Variants in CYP4A11 observed in about 807,000 individuals in gnomAD.
The protein encoded by CYP4A11 is cytochrome P450 family 4 subfamily A member 11.
A neutral mutation model predicts 57.7 loss-of-function variants in CYP4A11; 52 were observed. The ratio of observed to expected loss-of-function variants is 0.90; its 90% CI spans 0.72 to 1.14. The LOEUF (loss-of-function observed/expected upper bound fraction) is 1.14, where lower values mean the gene tolerates loss of function less well. Ranked by LOEUF, CYP4A11 falls within the 50% of genes most tolerant of loss-of-function variation. The pLI is 0.00. For synonymous variants in CYP4A11, 228 were observed against 247.1 expected, an observed-to-expected ratio of 0.92 and a Z score of 0.72; for missense variants, 641 against 642.1, an observed-to-expected ratio of 1.00 and a Z score of 0.02.
Position 46,935,082 on chromosome 1 carries a change from A to C in CYP4A11, c.708T>G (p.Phe236Leu). The change falls in exon 6 of 12, where the codon TTT becomes TTG. Residue 236 changes from phenylalanine to leucine, a missense_variant. Physicochemically the swap from Phe to Leu is conservative, Grantham distance 22 (BLOSUM62 0). Coordinates refer to ENST00000310638, the MANE Select transcript of CYP4A11 (RefSeq NM_000778.4). ...NLVFSRVRNA[F>L]HQNDTIYSLT... ...GGCTGTAGATGGTGTCATTCTGGTG[A>C]AAGGCATTCCTCACACGGGAAAAAA... The C allele has an allele frequency of 6.2e-7, 1 of 1,614,178 alleles. No individual in the cohort carries two copies. Among genetic ancestry groups the C allele is most frequent in the Non-Finnish European group, 8.5e-7 (1 of 1,180,036 alleles).
At chr1:46,931,970 G>A (rs1048638264) in intron 11 of CYP4A11, 32 of 984,920 alleles carry the variant, frequency 3.2e-5, no homozygotes, top group Admixed American at 6.2e-5. Flanking sequence ...AATGTTGTGC[G>A]TTATATGATA....
At position 46,932,812 on chromosome 1, in the gene CYP4A11, G is replaced by A. The variant is rs373468480; in HGVS notation, c.1313C>T (p.Pro438Leu). 49 of 1,614,142 alleles carry A rather than the reference G, an allele frequency of 3.0e-5. No individual in the cohort carries two copies. The African/African-American group carries it at 3.3e-4, about 11-fold the overall frequency. ...AGCGTGGCTGTGTTGAGCAGAACCCGGTGCAAAACGGAAAGGGTCAAACAC... is the reference window on the plus strand; with the variant it reads ...AGCGTGGCTGTGTTGAGCAGAACCCAGTGCAAAACGGAAAGGGTCAAACAC... Reference protein sequence around the residue: ...PEVFDPFRFAPGSAQHSHAFL... With the variant: ...PEVFDPFRFALGSAQHSHAFL... Residue 438 changes from proline to leucine, a missense_variant, in exon 11 of 12, where the codon CCG (proline) becomes CTG (leucine). Coordinates refer to ENST00000310638, the MANE Select transcript of CYP4A11 (RefSeq NM_000778.4).
chr1:46,934,597 C>T (rs775800245), intron 6 of CYP4A11, 38 bp from the exon 7 acceptor site: 30 of 1,573,060 alleles, frequency 1.9e-5, no homozygotes, highest in East Asian at 1.6e-4. Flanking sequence ...GAGCTGAGAC[C>T]GTCAGCAGCC....
chr1:46,937,914 C>T (rs1458830965), intron 2 of CYP4A11, 82 bp downstream of exon 2: 1 of 1,578,940 alleles, frequency 6.3e-7, no homozygotes, highest in African/African-American at 1.3e-5. Context: ...TGAACAGCCA[C>T]TCTCTTCTGG....
At chr1:46,933,819 T>C (rs577010758) in intron 9 of CYP4A11, 127 bp downstream of exon 9, 2 of 1,416,426 alleles carry the variant, frequency 1.4e-6, no homozygotes, top group East Asian at 2.4e-5. Flanking sequence ...GTACAAAGTA[T>C]GTTTTTGATT....
Position 46,941,443 on chromosome 1 carries a change from C to G in CYP4A11, c.-10G>C, listed in dbSNP as rs200658809. 4.6e-5 allele frequency: 74 copies of G among 1,611,882 alleles called. No homozygotes were observed. The Middle Eastern group carries it at 9.9e-4, about 22-fold the overall frequency. ...GCACAGAGACACTCATGGTGCAGCA[C>G]CTGCTGGATCTCTGAGTGCCCCTAC... On this transcript the variant is annotated 5_prime_UTR_variant, in exon 1 of 12. Coordinates refer to ENST00000310638, the MANE Select transcript of CYP4A11 (RefSeq NM_000778.4).
At chr1:46,937,263 G>A (rs573428748) in intron 3 of CYP4A11, 39 bp downstream of exon 3, 20 of 1,606,786 alleles carry the variant, frequency 1.2e-5, no homozygotes, top group Middle Eastern at 1.7e-4. Flanking sequence ...ACTCAAACCT[G>A]ACTAGGGAGT....
In CYP4A11 at chr1:46,935,137, A is replaced by G; in HGVS notation, c.653T>C (p.Ile218Thr). 6.2e-7 allele frequency: 1 copy of G among 1,614,100 alleles called. No homozygotes were observed. Among genetic ancestry groups the G allele is most frequent in the East Asian group, 2.2e-5 (1 of 44,872 alleles). Residue 218 changes from isoleucine (I) to threonine (T), a missense_variant, in exon 6 of 12, where the codon ATA becomes ACA. Transcript: ENST00000310638. ...GTTGTTCAGGTCACTAATGGCCTGT[A>G]TGTAGGACTGAGAATTCCTGAGGGA... ...IQVDRNSQSY[I>T]QAISDLNNLV...
At position 46,939,659 on chromosome 1, in the gene CYP4A11, A is replaced by G. The variant is rs192519194; in HGVS notation, c.196-1522T>C. On this transcript the variant is annotated intron_variant, in intron 1 of 11. Transcript: ENST00000310638. ...GCCTCTTGAGAAGGATAGCTCATGG[A>G]AAAAAGAGTCAGCCCTTCACTACTG... 1.3e-3 allele frequency among the ~76,000 whole-genome samples: 198 copies of G among 152,300 alleles called. 1 individual carries two copies. The highest frequency in any genetic ancestry group is 1.7e-3 in the Non-Finnish European group (118 of 68,016).
rs148894365 is a variant in CYP4A11 at position 46,934,200 on chromosome 1, A to G, written c.1064T>C (p.Leu355Pro). Residue 355 changes from leucine to proline, a missense_variant, in exon 8 of 12, where the codon CTG becomes CCG. Physicochemically the swap from Leu to Pro is moderately conservative, Grantham distance 98 (BLOSUM62 -3). Transcript: ENST00000310638. ...CCAGGTGATGGAGGCTCCATCACCC[A>G]GGAGGCTGTGGATCTCCTCCCGGCA... ...ERCREEIHSL[L>P]GDGASITWNH... 3 of 1,613,800 alleles carry G rather than the reference A, an allele frequency of 1.9e-6. No individual in the cohort carries two copies. The highest frequency in any genetic ancestry group is 1.7e-5 in the Admixed American group (1 of 59,984).
At chr1:46,932,734 T>A (rs755195275) in intron 11 of CYP4A11, 27 bp downstream of exon 11, 4 of 1,614,114 alleles carry the variant, frequency 2.5e-6, no homozygotes, top group Non-Finnish European at 3.4e-6. Flanking sequence ...CATTCCTCTA[T>A]TCGAATTACC....
At chr1:46,933,351 A>G (rs1681151846) in intron 9 of CYP4A11, among the ~76,000 whole-genome samples, 1 of 152,238 alleles carries the variant, frequency 6.6e-6, no homozygotes, top group African/African-American at 2.4e-5. Context: ...TGGAGAATAT[A>G]CATGAACTCA....
Position 46,934,153 on chromosome 1 carries a change from C to T in CYP4A11, c.1088+23G>A, listed in dbSNP as rs757474678. 9.9e-6 allele frequency: 16 copies of T among 1,612,044 alleles called. No homozygotes were observed. The East Asian group carries it at 2.9e-4, about 29-fold the overall frequency. ...GCCCCTGTGGAGAAGGCAGGGAACCCCATCTTTTGAGCCCTCACTCACCAG... is the reference window on the plus strand; with the variant it reads ...GCCCCTGTGGAGAAGGCAGGGAACCTCATCTTTTGAGCCCTCACTCACCAG... On this transcript the variant is annotated intron_variant, in intron 8 of 11. Transcript: ENST00000310638.
In CYP4A11 at chr1:46,937,976, G is replaced by T. The variant is rs769304235; in HGVS notation, c.337+20C>A. On this transcript the variant is annotated intron_variant, in intron 2 of 11. Coordinates refer to ENST00000310638, the MANE Select transcript of CYP4A11 (RefSeq NM_000778.4). ...CAAGAGGGAAGACACATTGCAGTTG[G>T]GATGGGGGTTCGATCTCACCTGATC... 6.2e-7 allele frequency: 1 copy of T among 1,613,538 alleles called. No individual in the cohort carries two copies. Among genetic ancestry groups the T allele is most frequent in the Non-Finnish European group, 8.5e-7 (1 of 1,179,904 alleles).
chr1:46,936,297 G>C (rs1681383388), intron 4 of CYP4A11, among the ~76,000 whole-genome samples: 1 of 152,236 alleles, frequency 6.6e-6, no homozygotes, highest in Non-Finnish European at 1.5e-5. Flanking sequence ...ATCTTGGCCT[G>C]TCCATGCTGC....
chr1:46,930,737 T>C (rs996971616), intron 11 of CYP4A11, among the ~76,000 whole-genome samples: 19 of 152,140 alleles, frequency 1.2e-4, no homozygotes, highest in East Asian at 3.9e-4. Context: ...GTGCTTCCCA[T>C]GTAGTGGGAC....
In CYP4A11 at chr1:46,937,321, T is replaced by G; in HGVS notation, c.363A>C (p.Arg121Ser). ...RSDPKSHGSY[R>S]FLAPWIGYGL... is the part of the protein sequence containing the mutation. ...ACATACCAATCCATGGAGCCAGGAA[T>G]CTGTAGGAACCATGGGATTTCGGGT... The change falls in exon 3 of 12, where the codon AGA (arginine) becomes AGC (serine). Residue 121 changes from arginine to serine, a missense_variant. Coordinates refer to ENST00000310638, the MANE Select transcript of CYP4A11 (RefSeq NM_000778.4). 5.0e-6 allele frequency: 8 copies of G among 1,614,062 alleles called. No homozygotes were observed. The highest frequency in any genetic ancestry group is 6.8e-6 in the Non-Finnish European group (8 of 1,179,978).
chr1:46,937,113 A>C (rs1381366252), intron 3 of CYP4A11, among the ~76,000 whole-genome samples, 189 bp downstream of exon 3: 3 of 152,168 alleles, frequency 2.0e-5, no homozygotes. Context: ...AAATAGAAGA[A>C]GCTGAGCCTC....
intron 11 of CYP4A11, 43 bp from the exon 12 acceptor site, chr1:46,930,353 C>A: frequency 6.3e-7 from 1 of 1,577,004 alleles, no homozygotes; most frequent in Non-Finnish European, 8.6e-7. Context: ...GTCCTCAGGC[C>A]CCATTCTGAT....
Sources: gnomAD v4.1 joint callset for allele counts (sites outside exome capture counted in the v4.1 genomes callset) on GRCh38, gnomAD v4.1.1 for gene constraint, MANE v1.5 for transcripts, NCBI Gene and HGNC (gene_info 2026-07-23, HGNC 2026-07-21) for gene names.